Variants in IL1RAPL1 observed in about 807,000 individuals in gnomAD.
IL1RAPL1 encodes interleukin-1 receptor accessory protein-like 1.
In IL1RAPL1, 3 loss-of-function variants were observed where a neutral mutation model predicts 48.4. That is an observed-to-expected ratio of 0.06 (90% confidence interval 0.03 to 0.16). The LOEUF is 0.16. Ranked by LOEUF, IL1RAPL1 falls within the 10% of genes least tolerant of loss-of-function variation. The pLI is 1.00. For missense variants in IL1RAPL1, 349 were observed against 530.6 expected (o/e 0.66, Z 3.36); for synonymous variants, 185 against 187.7 (o/e 0.99, Z 0.12).
chrX:28,724,326 T>G (rs1935634376), intron 1 of IL1RAPL1, among the ~76,000 whole-genome samples: 1 of 111,971 alleles, frequency 8.9e-6, no homozygotes, highest in Non-Finnish European at 1.9e-5. Context: ...TCTTGTTGAA[T>G]TGATCCCTTT....
intron 5 of IL1RAPL1, among the ~76,000 whole-genome samples, chrX:29,608,805 G>A (rs866357784): frequency 8.4e-5 from 9 of 107,682 alleles, no homozygotes; most frequent in Admixed American, 5.0e-4. Flanking sequence ...CAGCCTGGGC[G>A]ACAGAGCGAG....
At chrX:29,643,172 G>T (rs765741110) in intron 5 of IL1RAPL1, among the ~76,000 whole-genome samples, 3 of 112,179 alleles carry the variant, frequency 2.7e-5, no homozygotes, top group Non-Finnish European at 5.6e-5. Context: ...TTTGTTTGAC[G>T]ATGTGGCAAA....
intron 2 of IL1RAPL1, among the ~76,000 whole-genome samples, chrX:29,142,440 A>G (rs982406312): frequency 8.0e-5 from 9 of 112,117 alleles, no homozygotes; most frequent in Admixed American, 2.8e-4. Flanking sequence ...CTAAGAAGAC[A>G]TGGCAACTAA....
chrX:29,166,872 T>G (rs1420171531), intron 2 of IL1RAPL1, among the ~76,000 whole-genome samples: 2 of 112,010 alleles, frequency 1.8e-5, no homozygotes, highest in African/African-American at 6.5e-5. Flanking sequence ...GTCAAATGAC[T>G]TGCACCACTT....
At chrX:29,877,796 TTTTA>T (rs1351384508) in intron 6 of IL1RAPL1, among the ~76,000 whole-genome samples, 9 of 111,547 alleles carry the variant, frequency 8.1e-5, no homozygotes, top group Non-Finnish European at 1.5e-4. Context: ...ATCAAAACTG[TTTTA>T]ATAATTTTTG....
intron 2 of IL1RAPL1, among the ~76,000 whole-genome samples, chrX:29,080,204 A>G (rs1360816514): frequency 9.1e-6 from 1 of 109,406 alleles, no homozygotes; most frequent in Non-Finnish European, 1.9e-5. Flanking sequence ...CTGGGCGACA[A>G]AGTGAGACCC....
At chrX:29,393,263 A>C (rs916478561) in intron 3 of IL1RAPL1, among the ~76,000 whole-genome samples, 4 of 111,607 alleles carry the variant, frequency 3.6e-5, no homozygotes, top group African/African-American at 9.8e-5. Context: ...CTGGGACTAC[A>C]GGCGCCCGCC....
chrX:29,557,458 A>G (rs1369888042), intron 5 of IL1RAPL1, among the ~76,000 whole-genome samples: 2 of 112,186 alleles, frequency 1.8e-5, no homozygotes, highest in African/African-American at 3.2e-5. Context: ...TTGTGAAGTG[A>G]TTGCCATAAT....
rs113106090 is a variant in IL1RAPL1 at position 28,996,147 on chromosome X, C to G, written c.82+206722C>G. On this transcript the variant is annotated intron_variant, in intron 2 of 10. Transcript: ENST00000378993. ...TCCCTTCCTCAGTCCTGGGCAACTA[C>G]CAGTCGACTTTCTGTCTTTATGGAT... 8.8e-4 allele frequency among the ~76,000 whole-genome samples: 98 copies of G among 111,291 alleles called. No individual in the cohort carries two copies. The Middle Eastern group carries it at 0.014, about 16-fold the overall frequency.
chrX:28,743,868 C>T (rs1241839341), intron 1 of IL1RAPL1, among the ~76,000 whole-genome samples: 3 of 110,539 alleles, frequency 2.7e-5, no homozygotes, highest in Admixed American at 2.0e-4. Flanking sequence ...TTCTGAAATC[C>T]CTATACTATT....
intron 2 of IL1RAPL1, among the ~76,000 whole-genome samples, chrX:29,243,948 C>G (rs889996685): frequency 1.3e-4 from 14 of 111,904 alleles, no homozygotes; most frequent in Non-Finnish European, 1.1e-4. Context: ...CTCTTGTGCT[C>G]TACTTCCTCT....
chrX:29,812,590 G>A lies in IL1RAPL1; in HGVS notation c.779-104874G>A, dbSNP rs188764352. Reference sequence around the variant, plus strand: ...GGTCCCTAGCCTGTCTCAGTGGATGGAGATGAATTCATTAGAGATGAGTAA... The same window carrying A: ...GGTCCCTAGCCTGTCTCAGTGGATGAAGATGAATTCATTAGAGATGAGTAA... On this transcript the variant is annotated intron_variant, in intron 6 of 10. Coordinates refer to ENST00000378993, the MANE Select transcript of IL1RAPL1 (RefSeq NM_014271.4). Among the ~76,000 whole-genome samples, 129 of 111,360 alleles carry A rather than the reference G, an allele frequency of 1.2e-3. 1 individual carries two copies. Among genetic ancestry groups the A allele is most frequent in the African/African-American group, 4.0e-3 (123 of 30,691 alleles).
chrX:29,653,183 G>A (rs371144245), intron 5 of IL1RAPL1, among the ~76,000 whole-genome samples: 12 of 111,748 alleles, frequency 1.1e-4, no homozygotes, highest in East Asian at 5.6e-4. Flanking sequence ...CATATCCATA[G>A]CACTGATATT....
rs929050996 is a variant in IL1RAPL1, at chrX:29,955,448, A to G, written c.1719A>G (p.Leu573=). The G allele has an allele frequency of 9.1e-6, 11 of 1,209,356 alleles. No individual in the cohort carries two copies. The highest frequency in any genetic ancestry group is 1.2e-5 in the Non-Finnish European group (11 of 895,084). ...RIEPITHEQA[L]DVSEQGPFGE... is the part of the protein sequence containing the mutation. ...AACCCATTACACATGAGCAGGCTTT[A>G]GATGTCAGTGAGCAAGGGCCTTTTG... is the stretch of plus-strand genomic sequence containing the variant. Residue 573 remains leucine, a synonymous_variant, in exon 11 of 11, where the codon TTA becomes TTG. Coordinates refer to ENST00000378993, the MANE Select transcript of IL1RAPL1 (RefSeq NM_014271.4).
intron 3 of IL1RAPL1, among the ~76,000 whole-genome samples, chrX:29,303,904 A>G (rs1412422552): frequency 8.9e-6 from 1 of 112,179 alleles, no homozygotes; most frequent in African/African-American, 3.2e-5. Flanking sequence ...AAACATTTCA[A>G]TCAACTAAAT....
Position 29,563,685 on chromosome X carries a change from A to T in IL1RAPL1, c.704-104745A>T, listed in dbSNP as rs758374138. 3.0e-3 allele frequency among the ~76,000 whole-genome samples: 337 copies of T among 112,359 alleles called. 1 individual carries two copies. Among genetic ancestry groups the T allele is most frequent in the African/African-American group, 0.01 (319 of 31,014 alleles). Reference sequence around the variant, plus strand: ...AAGTAGGACTTCAGCTTTGGAACTGAAATAGCTCTTGGCTATTTGTTTTAA... The same window carrying T: ...AAGTAGGACTTCAGCTTTGGAACTGTAATAGCTCTTGGCTATTTGTTTTAA... On this transcript the variant is annotated intron_variant, in intron 5 of 10. Transcript: ENST00000378993.
intron 2 of IL1RAPL1, among the ~76,000 whole-genome samples, chrX:28,914,606 A>G (rs1303616446): frequency 1.8e-5 from 2 of 111,959 alleles, no homozygotes; most frequent in South Asian, 7.4e-4. Context: ...TTTGTACTTA[A>G]TGGGACTAAA....
At chrX:28,989,439 C>G (rs1475279654) in intron 2 of IL1RAPL1, among the ~76,000 whole-genome samples, 1 of 112,656 alleles carries the variant, frequency 8.9e-6, no homozygotes, top group African/African-American at 3.2e-5. Flanking sequence ...GTAACATGCT[C>G]TCTTAACATG....
chrX:29,840,693 AAG>A (rs1234574465), intron 6 of IL1RAPL1, among the ~76,000 whole-genome samples: 3 of 111,736 alleles, frequency 2.7e-5, no homozygotes, highest in East Asian at 5.6e-4. Context: ...GCCAAAAAGA[AAG>A]AGAACATTTG....
Sources: allele counts gnomAD v4.1 joint callset (sites outside exome capture counted in the v4.1 genomes callset), GRCh38; gene constraint gnomAD v4.1.1; transcripts MANE v1.5; gene names NCBI Gene and HGNC (gene_info 2026-07-23, HGNC 2026-07-21).